MCTP2: variants seen among roughly 807,000 people sequenced by gnomAD.
MCTP2 encodes the protein multiple C2 and transmembrane domain containing 2, also known as multiple C2 and transmembrane domain-containing protein 2.
MCTP2 carries 132 observed loss-of-function variants against 111.6 expected under a neutral mutation model. The observed-to-expected ratio is 1.18, with a 90% CI of 1.03 to 1.37. The LOEUF is 1.37. Ranked by LOEUF, MCTP2 falls within the 40% of genes most tolerant of loss-of-function variation. The pLI is 0.00. For synonymous variants in MCTP2, 395 were observed against 387.7 expected (o/e 1.02, Z -0.22); for missense variants, 1,183 against 1,067.9 (o/e 1.11, Z -1.50).
chr15:94,297,866 G>A (rs114617080), intron 1 of MCTP2, among the ~76,000 whole-genome samples: 19 of 152,070 alleles, frequency 1.2e-4, no homozygotes, highest in Non-Finnish European at 2.1e-4. Context: ...TGGTGTTCTC[G>A]TGAATGTCTT....
intron 19 of MCTP2, 36 bp from the exon 20 acceptor site, chr15:94,458,098 TGAA>T: frequency 8.9e-7 from 1 of 1,123,848 alleles, no homozygotes. Context: ...TGATAAAAAA[TGAA>T]GTAACTGAGT....
At chr15:94,249,252 G>A (rs560121737) in intron 1 of MCTP2, among the ~76,000 whole-genome samples, 16 of 152,282 alleles carry the variant, frequency 1.1e-4, no homozygotes, top group South Asian at 4.1e-4. Flanking sequence ...GGACTTTCCT[G>A]TATTGGCTGT....
chr15:94,409,496 A>G (rs946910871), intron 17 of MCTP2, among the ~76,000 whole-genome samples: 2 of 152,168 alleles, frequency 1.3e-5, no homozygotes, highest in African/African-American at 4.8e-5. Flanking sequence ...CTCTCTAGAT[A>G]ACCCTGACTA....
intron 19 of MCTP2, among the ~76,000 whole-genome samples, chr15:94,456,397 A>T (rs949581936): frequency 1.3e-5 from 2 of 152,250 alleles, no homozygotes; most frequent in African/African-American, 4.8e-5. Context: ...GTCATTTTCC[A>T]AGAAATTGTT....
At chr15:94,452,648 C>G (rs983112086) in intron 19 of MCTP2, among the ~76,000 whole-genome samples, 7 of 152,130 alleles carry the variant, frequency 4.6e-5, no homozygotes, top group African/African-American at 1.7e-4. Context: ...AACACAGGAT[C>G]AGATAAAACA....
intron 2 of MCTP2, among the ~76,000 whole-genome samples, chr15:94,304,194 C>G (rs1335917868): frequency 6.6e-6 from 1 of 152,218 alleles, no homozygotes; most frequent in Non-Finnish European, 1.5e-5. Flanking sequence ...GTAATCCCAG[C>G]ACTTTGGGAG....
At chr15:94,300,099 C>T (rs528386371) in intron 2 of MCTP2, among the ~76,000 whole-genome samples, 25 of 152,186 alleles carry the variant, frequency 1.6e-4, no homozygotes, top group African/African-American at 3.9e-4. Context: ...AGTTAATCTT[C>T]GTCTTTTTTT....
chr15:94,258,859 G>A (rs2073012225), intron 1 of MCTP2, among the ~76,000 whole-genome samples: 1 of 152,136 alleles, frequency 6.6e-6, no homozygotes, highest in South Asian at 2.1e-4. Context: ...CTCTAGAACT[G>A]TTCTCTGCAT....
At chr15:94,431,978 G>C (rs559728835) in intron 17 of MCTP2, among the ~76,000 whole-genome samples, 1 of 152,176 alleles carries the variant, frequency 6.6e-6, no homozygotes, top group African/African-American at 2.4e-5. Flanking sequence ...GACCACTCCA[G>C]TGGTTTTTAA....
At chr15:94,346,181 CACTT>C (rs1173251998) in intron 8 of MCTP2, among the ~76,000 whole-genome samples, 1 of 151,982 alleles carries the variant, frequency 6.6e-6, no homozygotes, top group Admixed American at 6.6e-5. Context: ...TTTTACTAGT[CACTT>C]AAGAAGAAAG....
At chr15:94,473,783 A>G (rs1314343092) in intron 21 of MCTP2, among the ~76,000 whole-genome samples, 2 of 152,232 alleles carry the variant, frequency 1.3e-5, no homozygotes, top group Non-Finnish European at 2.9e-5. Flanking sequence ...TGAACAGGCA[A>G]GGAACCCCTG....
At chr15:94,308,985 A>G (rs2076010163) in intron 2 of MCTP2, among the ~76,000 whole-genome samples, 1 of 152,244 alleles carries the variant, frequency 6.6e-6, no homozygotes, top group African/African-American at 2.4e-5. Context: ...TCAATACAGC[A>G]GGGAAATCAC....
intron 4 of MCTP2, among the ~76,000 whole-genome samples, chr15:94,323,229 A>C (rs1166009323): frequency 6.6e-6 from 1 of 152,204 alleles, no homozygotes; most frequent in Non-Finnish European, 1.5e-5. Flanking sequence ...GGGCAGGTTT[A>C]GCAATGGTGT....
At chr15:94,285,111 G>A (rs903529255) in intron 1 of MCTP2, among the ~76,000 whole-genome samples, 5 of 152,132 alleles carry the variant, frequency 3.3e-5, no homozygotes, top group African/African-American at 1.2e-4. Flanking sequence ...GAGAAAAGTG[G>A]ATGAGAAAAT....
intron 17 of MCTP2, among the ~76,000 whole-genome samples, chr15:94,433,445 C>G (rs1309969789): frequency 1.3e-5 from 2 of 152,110 alleles, no homozygotes; most frequent in East Asian, 3.9e-4. Context: ...AAGCTTCAAG[C>G]AATGGTCCTA....
chr15:94,351,760 A>G (rs1345850563), intron 8 of MCTP2, among the ~76,000 whole-genome samples: 1 of 152,138 alleles, frequency 6.6e-6, no homozygotes, highest in East Asian at 1.9e-4. Flanking sequence ...AGTATTTTGG[A>G]GAATTATCCC....
rs573572157 is a variant in MCTP2 at position 94,292,998 on chromosome 15, T to A, written c.-65-5203T>A. On this transcript the variant is annotated intron_variant, in intron 1 of 22. Transcript: ENST00000357742. ...ATTACAGTCTTTTAAAACAATGACA[T>A]TGGAAAAAATTATTCACATGTAAAA... 2.0e-5 allele frequency: 3 copies of A among 152,106 alleles called. No individual in the cohort carries two copies. The South Asian group carries it at 6.2e-4, about 31-fold the overall frequency. 9.4% of individuals were successfully genotyped at this position (152,106 alleles called of 1,614,324 possible).
At chr15:94,287,740 C>T (rs1486752673) in intron 1 of MCTP2, among the ~76,000 whole-genome samples, 1 of 152,198 alleles carries the variant, frequency 6.6e-6, no homozygotes, top group Non-Finnish European at 1.5e-5. Context: ...CCTGCAGTTT[C>T]CCAGTGCCAA....
intron 1 of MCTP2, among the ~76,000 whole-genome samples, chr15:94,233,000 C>A (rs976501885): frequency 6.6e-6 from 1 of 152,120 alleles, no homozygotes; most frequent in Non-Finnish European, 1.5e-5. Context: ...TGTACAAGGT[C>A]AGTGGTGAAT....
Sources: allele counts gnomAD v4.1 joint callset (sites outside exome capture counted in the v4.1 genomes callset), GRCh38; gene constraint gnomAD v4.1.1; transcripts MANE v1.5; gene names NCBI Gene and HGNC (gene_info 2026-07-23, HGNC 2026-07-21).